The following AP2B1 variants were observed in gnomAD, a reference collection of about 807,000 sequenced individuals.
AP2B1 encodes the protein AP-2 complex subunit beta.
In AP2B1, 23 loss-of-function variants were observed where a neutral mutation model predicts 102.0. The observed-to-expected ratio is 0.23, with a 90% CI of 0.16 to 0.32. The LOEUF (loss-of-function observed/expected upper bound fraction) is 0.32. AP2B1 is among the 10% of genes least tolerant of loss of function. The pLI, the probability that AP2B1 is intolerant of heterozygous loss-of-function variation, is 1.00. For missense variants in AP2B1, 541 were observed against 1,157.4 expected (o/e 0.47, Z 7.73); for synonymous variants, 381 against 421.2 (o/e 0.90, Z 1.17).
intron 1 of AP2B1, among the ~76,000 whole-genome samples, chr17:35,589,894 G>A (rs995177401): frequency 7.4e-5 from 11 of 148,030 alleles, no homozygotes; most frequent in Non-Finnish European, 1.5e-4. Context: ...TTTTTCTTTA[G>A]CTCTATTTTG....
At chr17:35,710,383 TA>T in intron 20 of AP2B1, 63 bp downstream of exon 20, 1 of 1,199,338 alleles carries the variant, frequency 8.3e-7, no homozygotes, top group South Asian at 1.3e-5. Context: ...TTTGAAATTT[TA>T]ATCTTTCTTT....
intron 10 of AP2B1, among the ~76,000 whole-genome samples, 180 bp downstream of exon 10, chr17:35,636,636 GCTTT>G (rs1443199928): frequency 1.3e-5 from 2 of 152,162 alleles, no homozygotes; most frequent in Admixed American, 1.3e-4. Context: ...TTTTCACTCT[GCTTT>G]CTTTCTTTAG....
At chr17:35,640,881 G>C (rs185179942) in intron 11 of AP2B1, among the ~76,000 whole-genome samples, 2 of 152,210 alleles carry the variant, frequency 1.3e-5, no homozygotes, top group South Asian at 2.1e-4. Context: ...GCTAGAGGCT[G>C]TGGTGAGGTT....
intron 5 of AP2B1, among the ~76,000 whole-genome samples, chr17:35,615,622 C>T (rs1266358038): frequency 3.9e-5 from 6 of 151,980 alleles, no homozygotes; most frequent in Admixed American, 1.3e-4. Flanking sequence ...TTATTTAGTA[C>T]GTTAATTATA....
intron 11 of AP2B1, among the ~76,000 whole-genome samples, chr17:35,640,233 T>TC (rs775605084): frequency 1.8e-4 from 11 of 60,322 alleles, no homozygotes; most frequent in African/African-American, 8.8e-4. Context: ...ACTGATTTTT[T>TC]TTTTTTTTTT....
At chr17:35,652,120 A>G in intron 13 of AP2B1, among the ~76,000 whole-genome samples, 1 of 152,194 alleles carries the variant, frequency 6.6e-6, no homozygotes, top group East Asian at 1.9e-4. Context: ...AAAGTGTCTT[A>G]CATAAGGCCT....
chr17:35,598,200 AC>A (rs1307217930), intron 2 of AP2B1, 29 bp from the exon 3 acceptor site: 1 of 1,466,710 alleles, frequency 6.8e-7, no homozygotes, highest in South Asian at 1.2e-5. Context: ...TGGTACTGGA[AC>A]CTTACCAGTT....
At chr17:35,626,219 ACT>A in intron 6 of AP2B1, among the ~76,000 whole-genome samples, 1 of 152,206 alleles carries the variant, frequency 6.6e-6, no homozygotes. Flanking sequence ...CTATGAAATA[ACT>A]CTCAGAATGC....
intron 17 of AP2B1, among the ~76,000 whole-genome samples, chr17:35,682,260 C>A (rs2075837165): frequency 7.4e-6 from 1 of 134,764 alleles, no homozygotes. Flanking sequence ...ACCCTATCTC[C>A]AAAAAAAAAA....
rs532484620 is a variant in AP2B1, at chr17:35,601,048, A to C, written c.143+2713A>C. 9.2e-6 allele frequency: 9 copies of C among 977,800 alleles called. No homozygotes were observed. The East Asian group carries it at 6.8e-4, about 74-fold the overall frequency. 60.6% of individuals were successfully genotyped at this position (977,800 alleles called of 1,614,324 possible). ...TGACCATCTATCTAAGGAGTTGGCA[A>C]ACGTTTTTGTAAAGGACAAAATAGT... On this transcript the variant is annotated intron_variant, in intron 3 of 21. Transcript: ENST00000610402.
At chr17:35,605,209 G>GTTTCT (rs1333575579) in intron 3 of AP2B1, among the ~76,000 whole-genome samples, 3 of 151,024 alleles carry the variant, frequency 2.0e-5, no homozygotes, top group Non-Finnish European at 3.0e-5. Flanking sequence ...CTGGCCTACA[G>GTTTCT]TTTCTTTTCT....
chr17:35,717,464 C>T, intron 21 of AP2B1, 115 bp downstream of exon 21: 2 of 1,166,394 alleles, frequency 1.7e-6, no homozygotes, highest in South Asian at 1.5e-5. Context: ...CTGAGATATA[C>T]AAAATAAGTA....
chr17:35,608,005 A>G (rs922338873), intron 4 of AP2B1, 137 bp from the exon 5 acceptor site: 21 of 1,012,132 alleles, frequency 2.1e-5, no homozygotes, highest in South Asian at 9.9e-5. Flanking sequence ...AAGGAATAGC[A>G]TGGAAGATTG....
intron 1 of AP2B1, among the ~76,000 whole-genome samples, chr17:35,592,126 T>C (rs1203253742): frequency 7.4e-6 from 1 of 135,808 alleles, no homozygotes; most frequent in African/African-American, 2.9e-5. Context: ...TCTGGCTCTT[T>C]TTTCTTTTCT....
rs201800056 is a variant in AP2B1 at position 35,635,503 on chromosome 17, C to A, written c.1156-838C>A. 3.3e-5 allele frequency among the ~76,000 whole-genome samples: 5 copies of A among 152,282 alleles called. No individual in the cohort carries two copies. The East Asian group carries it at 7.7e-4, about 24-fold the overall frequency. ...GGATTCAAGCAATTCTCTGCGTCAG[C>A]CTCCGGAGTAGCTGGGATTACAGGT... On this transcript the variant is annotated intron_variant, in intron 9 of 21. Coordinates refer to ENST00000610402, the MANE Select transcript of AP2B1 (RefSeq NM_001030006.2).
In AP2B1 at chr17:35,587,407, C is replaced by CTCGCCT. The variant is rs1555551151; in HGVS notation, c.-38_-33dup. ...TCCGGCTCCCGCCGCCACCCCCGCC[C>CTCGCCT]TCGCCTTCGCCTCCGCCTCCGGTGA... On this transcript the variant is annotated 5_prime_UTR_variant, in exon 1 of 22. Transcript: ENST00000610402. 1.3e-5 allele frequency: 2 copies of CTCGCCT among 153,288 alleles called. No individual in the cohort carries two copies. The highest frequency in any genetic ancestry group is 2.9e-5 in the Non-Finnish European group (2 of 68,892). 9.5% of individuals were successfully genotyped at this position (153,288 alleles called of 1,614,324 possible).
At chr17:35,650,825 A>T (rs372416217) in intron 13 of AP2B1, 36 bp downstream of exon 13, 2 of 1,602,294 alleles carry the variant, frequency 1.2e-6, no homozygotes, top group African/African-American at 2.7e-5. Flanking sequence ...GTGAGAAATG[A>T]CTCTTGTTTA....
At chr17:35,626,178 C>G (rs1317070347) in intron 6 of AP2B1, among the ~76,000 whole-genome samples, 1 of 152,202 alleles carries the variant, frequency 6.6e-6, no homozygotes, top group Non-Finnish European at 1.5e-5. Flanking sequence ...ACAATGAAAT[C>G]TTCAGCCACA....
intron 20 of AP2B1, among the ~76,000 whole-genome samples, chr17:35,712,402 G>A (rs587732533): frequency 9.8e-5 from 15 of 152,308 alleles, no homozygotes; most frequent in African/African-American, 2.6e-4. Flanking sequence ...GCCGAGGTGG[G>A]CAGATCACGA....
Sources: gnomAD v4.1 joint callset for allele counts (sites outside exome capture counted in the v4.1 genomes callset) on GRCh38, gnomAD v4.1.1 for gene constraint, MANE v1.5 for transcripts, NCBI Gene and HGNC (gene_info 2026-07-23, HGNC 2026-07-21) for gene names.